Variants in SLC2A13 observed in about 807,000 individuals in gnomAD.
The protein encoded by SLC2A13 is proton myo-inositol cotransporter.
In SLC2A13, 32 loss-of-function variants were observed where a neutral mutation model predicts 64.4. That is an observed-to-expected ratio of 0.50 (90% CI 0.37 to 0.67). The LOEUF is 0.67. Ranked by LOEUF, SLC2A13 falls within the 30% of genes least tolerant of loss-of-function variation. SLC2A13 has a pLI of 0.00. For synonymous variants in SLC2A13, 338 were observed against 327.1 expected (o/e 1.03, Z -0.36); for missense variants, 743 against 829.2 (o/e 0.90, Z 1.28).
chr12:39,839,609 T>C (rs1943126430), intron 6 of SLC2A13, among the ~76,000 whole-genome samples: 1 of 152,088 alleles, frequency 6.6e-6, no homozygotes, highest in South Asian at 2.1e-4. Flanking sequence ...CTTGTGCTGC[T>C]TGACACTATT....
intron 3 of SLC2A13, among the ~76,000 whole-genome samples, chr12:39,973,498 C>T (rs1946704954): frequency 6.6e-6 from 1 of 152,208 alleles, no homozygotes; most frequent in Non-Finnish European, 1.5e-5. Context: ...CAAATCAACA[C>T]TGTCATGCCA....
At chr12:40,035,810 G>C (rs1392315779) in intron 2 of SLC2A13, among the ~76,000 whole-genome samples, 10 of 152,058 alleles carry the variant, frequency 6.6e-5, no homozygotes, top group Non-Finnish European at 1.5e-4. Context: ...GCTTGGCCAG[G>C]GTTATTTAAA....
chr12:39,815,880 C>T (rs1942325165), intron 7 of SLC2A13, among the ~76,000 whole-genome samples: 1 of 152,106 alleles, frequency 6.6e-6, no homozygotes, highest in Admixed American at 6.5e-5. Flanking sequence ...CCAAATAAAA[C>T]TGGAAAAGTA....
chr12:39,987,562 A>G (rs148468257), intron 3 of SLC2A13, among the ~76,000 whole-genome samples: 2 of 152,308 alleles, frequency 1.3e-5, no homozygotes, highest in African/African-American at 2.4e-5. Context: ...TCAAACAGCT[A>G]TGAATTTAGT....
chr12:39,823,432 CTT>C (rs146302617), intron 7 of SLC2A13, among the ~76,000 whole-genome samples: 8,281 of 152,090 alleles, frequency 0.054, 527 homozygotes, highest in East Asian at 0.25. Flanking sequence ...AGTGATATCT[CTT>C]TTCAAAAATT....
At chr12:39,984,264 G>A (rs186452962) in intron 3 of SLC2A13, among the ~76,000 whole-genome samples, 1 of 151,742 alleles carries the variant, frequency 6.6e-6, no homozygotes, top group Non-Finnish European at 1.5e-5. Flanking sequence ...CACCAGCACA[G>A]CACATGTATA....
At chr12:39,972,939 T>C (rs1946691396) in intron 3 of SLC2A13, among the ~76,000 whole-genome samples, 2 of 151,956 alleles carry the variant, frequency 1.3e-5, no homozygotes, top group African/African-American at 4.8e-5. Context: ...TGGTGGTGCA[T>C]GCCTGTAATC....
chr12:39,757,564 TC>T lies in SLC2A13; in HGVS notation c.*2461del, dbSNP rs1423535242. 2 of 151,730 alleles carry T rather than the reference TC, an allele frequency of 1.3e-5. No homozygotes were observed. Among genetic ancestry groups the T allele is most frequent in the African/African-American group, 4.8e-5 (2 of 41,404 alleles). 9.4% of individuals were successfully genotyped at this position (151,730 alleles called of 1,614,324 possible). ...TTGTTTCTAAAAAGTTATAAATAAT[TC>T]TTATACTGTGCCTCTCTGTCTTATA... On this transcript the variant is annotated 3_prime_UTR_variant, in exon 10 of 10. Transcript: ENST00000280871.
intron 4 of SLC2A13, among the ~76,000 whole-genome samples, chr12:39,933,479 T>A (rs1301638598): frequency 3.3e-5 from 5 of 152,220 alleles, no homozygotes; most frequent in African/African-American, 1.2e-4. Flanking sequence ...TCCCATACTT[T>A]CTTGCTTCAT....
intron 7 of SLC2A13, among the ~76,000 whole-genome samples, chr12:39,810,148 T>C (rs1942108035): frequency 6.6e-6 from 1 of 152,166 alleles, no homozygotes; most frequent in Admixed American, 6.5e-5. Context: ...AGAACCGACA[T>C]CTTAACCATA....
intron 3 of SLC2A13, among the ~76,000 whole-genome samples, chr12:39,976,350 C>T (rs948754318): frequency 2.6e-5 from 4 of 152,138 alleles, no homozygotes; most frequent in Non-Finnish European, 5.9e-5. Context: ...CACAATGGTA[C>T]GTGGCACTTA....
intron 4 of SLC2A13, among the ~76,000 whole-genome samples, chr12:39,878,796 G>T (rs1944263887): frequency 6.6e-6 from 1 of 152,252 alleles, no homozygotes; most frequent in African/African-American, 2.4e-5. Flanking sequence ...CCATTTGCTA[G>T]AGAAATTTGC....
chr12:39,962,400 T>C (rs1435857425), intron 3 of SLC2A13, among the ~76,000 whole-genome samples: 1 of 152,214 alleles, frequency 6.6e-6, no homozygotes, highest in Non-Finnish European at 1.5e-5. Flanking sequence ...CATGGGTTAC[T>C]CTTGAAGGCA....
At chr12:39,896,537 T>C (rs548456754) in intron 4 of SLC2A13, among the ~76,000 whole-genome samples, 19 of 146,884 alleles carry the variant, frequency 1.3e-4, no homozygotes, top group African/African-American at 3.2e-4. Flanking sequence ...TACATGTATG[T>C]ATGTATGTGT....
chr12:40,034,376 A>G (rs1367472932), intron 2 of SLC2A13, among the ~76,000 whole-genome samples: 1 of 152,206 alleles, frequency 6.6e-6, no homozygotes, highest in Non-Finnish European at 1.5e-5. Flanking sequence ...TAACCACCTC[A>G]TACTTTTTAG....
Position 39,759,968 on chromosome 12 carries a change from A to G in SLC2A13, c.*58T>C, listed in dbSNP as rs1940072676. On this transcript the variant is annotated 3_prime_UTR_variant, in exon 10 of 10. Transcript: ENST00000280871. ...TAGAAGCAGGGCAGTGAAGTCACCAATTGCTGTTCTTCTCCCCCCAGTTTG... is the reference window on the plus strand; with the variant it reads ...TAGAAGCAGGGCAGTGAAGTCACCAGTTGCTGTTCTTCTCCCCCCAGTTTG... The G allele has an allele frequency of 7.4e-7, 1 of 1,348,430 alleles. No individual in the cohort carries two copies. Among genetic ancestry groups the G allele is most frequent in the South Asian group, 1.2e-5 (1 of 81,088 alleles). The allele number at this position is 1,348,430 out of a possible 1,614,324, so 83.5% of individuals were successfully genotyped here.
chr12:39,900,578 C>G (rs1945066861), intron 4 of SLC2A13, among the ~76,000 whole-genome samples: 1 of 152,106 alleles, frequency 6.6e-6, no homozygotes, highest in South Asian at 2.1e-4. Flanking sequence ...TGAGTGAACT[C>G]CTATTCACAA....
intron 3 of SLC2A13, among the ~76,000 whole-genome samples, chr12:39,986,171 A>C (rs894899563): frequency 2.0e-5 from 3 of 152,042 alleles, no homozygotes; most frequent in African/African-American, 7.2e-5. Flanking sequence ...TATAAATCCT[A>C]ACCTCCAGGT....
chr12:39,992,643 C>T (rs1947155501), intron 3 of SLC2A13, among the ~76,000 whole-genome samples: 1 of 152,032 alleles, frequency 6.6e-6, no homozygotes, highest in African/African-American at 2.4e-5. Flanking sequence ...ATTCTTATAA[C>T]CCAAAAAGCT....
Sources: gnomAD v4.1 joint callset for allele counts (sites outside exome capture counted in the v4.1 genomes callset) on GRCh38, gnomAD v4.1.1 for gene constraint, MANE v1.5 for transcripts, NCBI Gene and HGNC (gene_info 2026-07-23, HGNC 2026-07-21) for gene names.